RAI1: variants seen among roughly 807,000 people sequenced by gnomAD.
RAI1 encodes the protein retinoic acid-induced protein 1.
RAI1 carries 9 observed loss-of-function variants against 123.8 expected under a neutral mutation model. The ratio of observed to expected loss-of-function variants is 0.07; its 90% CI spans 0.04 to 0.13. The LOEUF (loss-of-function observed/expected upper bound fraction) is 0.13, where lower values mean the gene tolerates loss of function less well. Ranked by LOEUF, RAI1 falls within the 10% of genes least tolerant of loss-of-function variation. The pLI is 1.00. For synonymous variants in RAI1, 1,231 were observed against 1,127.3 expected (o/e 1.09, Z -1.84); for missense variants, 2,256 against 2,545.8 (o/e 0.89, Z 2.45).
chr17:17,809,319 C>T lies in RAI1; in HGVS notation c.5660-71C>T, dbSNP rs2143006508. The stretch of plus-strand genomic sequence containing the variant: ...GCGGGCAGTGCGGCTCCCCTCCTGG[C>T]TGCAGACAAAACCCCACAGCTGTGG... On this transcript the variant is annotated intron_variant, in intron 4 of 5. Coordinates refer to ENST00000353383, the MANE Select transcript of RAI1 (RefSeq NM_030665.4). This position sits in a 1 kb window ranked among gnomAD's most constrained non-coding sequence, Gnocchi z 4.9. The T allele has an allele frequency of 7.2e-7, 1 of 1,382,626 alleles. No homozygotes were observed. The highest frequency in any genetic ancestry group is 1.0e-6 in the Non-Finnish European group (1 of 969,660). The allele number at this position is 1,382,626 out of a possible 1,614,324, so 85.6% of individuals were successfully genotyped here. A position where few individuals can be genotyped will look rare whatever the true frequency, so the allele number is the denominator to read the frequency against.
At chr17:17,767,232 G>C (rs2030973131) in intron 2 of RAI1, among the ~76,000 whole-genome samples, 1 of 152,182 alleles carries the variant, frequency 6.6e-6, no homozygotes, top group Non-Finnish European at 1.5e-5. Context: ...GAAGGGAAGA[G>C]AGGCCTAGGC....
At chr17:17,780,957 T>C (rs986992835) in intron 2 of RAI1, among the ~76,000 whole-genome samples, 6 of 152,158 alleles carry the variant, frequency 3.9e-5, no homozygotes, top group Non-Finnish European at 8.8e-5. Context: ...GCGCTGTCTT[T>C]AATCTGTATT....
At chr17:17,739,430 G>A (rs1916543022) in intron 2 of RAI1, among the ~76,000 whole-genome samples, 1 of 152,226 alleles carries the variant, frequency 6.6e-6, no homozygotes, top group Non-Finnish European at 1.5e-5. Context: ...CCCTGACCAG[G>A]AGGGAGAGAA....
intron 3 of RAI1, among the ~76,000 whole-genome samples, 169 bp from the exon 4 acceptor site, chr17:17,803,587 T>C (rs1310525153): frequency 6.6e-6 from 1 of 152,110 alleles, no homozygotes; most frequent in Non-Finnish European, 1.5e-5. Flanking sequence ...AGTTTCACCA[T>C]GTTGCCCAGG....
intron 1 of RAI1, among the ~76,000 whole-genome samples, chr17:17,702,943 C>T (rs1344592540): frequency 6.6e-6 from 1 of 152,256 alleles, no homozygotes; most frequent in Non-Finnish European, 1.5e-5. Flanking sequence ...ATCAGTAATG[C>T]ATCTGCTGCT....
intron 1 of RAI1, among the ~76,000 whole-genome samples, chr17:17,719,457 T>TCAC (rs1178883311): frequency 6.6e-6 from 1 of 152,204 alleles, no homozygotes; most frequent in East Asian, 1.9e-4. Context: ...GCTGCATGCC[T>TCAC]CACTACCTTT....
At chr17:17,730,205 C>T (rs994580436) in intron 2 of RAI1, among the ~76,000 whole-genome samples, 4 of 152,236 alleles carry the variant, frequency 2.6e-5, no homozygotes, top group Non-Finnish European at 5.9e-5. Flanking sequence ...CTGCCTTCCT[C>T]CTAAATATCC....
At position 17,800,197 on chromosome 17, in the gene RAI1, T is replaced by TCTCTCTCTCTCTC. The variant is rs2032410770; in HGVS notation, c.5565+1685_5565+1697dup. On this transcript the variant is annotated intron_variant, in intron 3 of 5. Coordinates refer to ENST00000353383, the MANE Select transcript of RAI1 (RefSeq NM_030665.4). The surrounding 1 kb of genome is among the most constrained non-coding windows in gnomAD (Gnocchi z 4.7). Reference sequence around the variant, plus strand: ...CTCTCTCTGTCTCTCTCTCTCTCTCTCTCTCTCTCTCTCTCTCTCTCTCTC... The same window carrying TCTCTCTCTCTCTC: ...CTCTCTCTGTCTCTCTCTCTCTCTCTCTCTCTCTCTCTCCTCTCTCTCTCTCTCTCTCTCTCTC... Among the ~76,000 whole-genome samples, 1 of 129,838 alleles carries TCTCTCTCTCTCTC rather than the reference T, an allele frequency of 7.7e-6. No individual in the cohort carries two copies. 85.2% of individuals were successfully genotyped at this position (129,838 alleles called of 152,430 possible).
intron 2 of RAI1, among the ~76,000 whole-genome samples, chr17:17,755,028 C>G (rs1232184378): frequency 1.3e-5 from 2 of 152,198 alleles, no homozygotes; most frequent in Non-Finnish European, 2.9e-5. Context: ...GAGGAAATAG[C>G]CATAGCTGTA....
In RAI1 at chr17:17,793,209, A is replaced by G. The variant is rs751583712; in HGVS notation, c.261A>G (p.Thr87=). The G allele has an allele frequency of 7.4e-6, 12 of 1,612,226 alleles. No individual in the cohort carries two copies. In the East Asian group the frequency reaches 2.5e-4, roughly 33 times the overall value. The change falls in exon 3 of 6, where the codon ACA becomes ACG. Residue 87 remains threonine, a synonymous_variant. Transcript: ENST00000353383. ...ACCGAGGCAGCAAGGCCCTGCCCAC[A>G]CAGCAAGGCCTGCAGGGGAGGCCGG... The part of the protein sequence containing the change: ...KYHRGSKALP[T]QQGLQGRPAF...
chr17:17,753,524 A>G (rs770705094), intron 2 of RAI1, among the ~76,000 whole-genome samples: 2 of 152,188 alleles, frequency 1.3e-5, no homozygotes, highest in Non-Finnish European at 2.9e-5. Flanking sequence ...CCTCACCAAC[A>G]CCAAAAGAAA....
chr17:17,766,543 C>T (rs555066286), intron 2 of RAI1, among the ~76,000 whole-genome samples: 2 of 152,296 alleles, frequency 1.3e-5, no homozygotes, highest in Admixed American at 1.3e-4. Context: ...CTCTGTCTGC[C>T]GAACTCTGGG....
chr17:17,792,911 C>G, intron 2 of RAI1, 22 bp from the exon 3 acceptor site: 2 of 1,263,482 alleles, frequency 1.6e-6, no homozygotes, highest in Non-Finnish European at 2.3e-6. Flanking sequence ...CTCCCTCCCT[C>G]CCTTCCTTTT....
Position 17,793,761 on chromosome 17 carries a change from G to A in RAI1, c.813G>A (p.Ser271=), listed in dbSNP as rs557499896. The stretch of plus-strand genomic sequence containing the variant: ...TCCAGAATCTTCATGCCTACCAGTC[G>A]GGCCGCCTCAGCTATGACCAGCAGC... ...QRVQNLHAYQ[S]GRLSYDQQQQ... is the part of the protein sequence containing the mutation. Residue 271 remains serine (S), a synonymous_variant, in exon 3 of 6, where the codon TCG becomes TCA. Transcript: ENST00000353383. 10 of 1,610,454 alleles carry A rather than the reference G, an allele frequency of 6.2e-6. No homozygotes were observed. Among genetic ancestry groups the A allele is most frequent in the African/African-American group, 2.7e-5 (2 of 73,884 alleles).
intron 2 of RAI1, among the ~76,000 whole-genome samples, chr17:17,785,847 C>A (rs528704108): frequency 1.3e-5 from 2 of 152,334 alleles, no homozygotes; most frequent in African/African-American, 2.4e-5. Context: ...CCATCGAGCC[C>A]ATGCAGATCC....
rs587780428 is a variant in RAI1, at chr17:17,793,779, C to CCAGCAA, written c.836_837insACAGCA (p.Gln290_Gln291dup). The CCAGCAA allele has an allele frequency of 1.3e-5, 18 of 1,357,644 alleles. No homozygotes were observed. Among genetic ancestry groups the CCAGCAA allele is most frequent in the Middle Eastern group, 2.0e-4 (1 of 5,044 alleles). 84.1% of individuals were successfully genotyped at this position (1,357,644 alleles called of 1,614,324 possible). ...ACCAGTCGGGCCGCCTCAGCTATGA[C>CCAGCAA]CAGCAGCAGCAGCAGCAGCAGCAGC... On this transcript the variant is annotated inframe_insertion, in exon 3 of 6. Transcript: ENST00000353383.
At position 17,810,025 on chromosome 17, in the gene RAI1, C is replaced by T. The variant is rs1196486103; in HGVS notation, c.*44C>T. 27 of 1,542,280 alleles carry T rather than the reference C, an allele frequency of 1.8e-5. No individual in the cohort carries two copies. On this transcript the variant is annotated 3_prime_UTR_variant, in exon 6 of 6. Coordinates refer to ENST00000353383, the MANE Select transcript of RAI1 (RefSeq NM_030665.4). The surrounding 1 kb of genome is among the most constrained non-coding windows in gnomAD (Gnocchi z 4.6). ...GGAGGAGCCGCCGGAGCCCGCCTGC[C>T]CGCCCGCCGCCGAAGGAGAGGAGCC...
intron 2 of RAI1, among the ~76,000 whole-genome samples, chr17:17,733,860 A>G (rs547722333): frequency 2.0e-4 from 31 of 152,306 alleles, no homozygotes; most frequent in Admixed American, 5.2e-4. Flanking sequence ...GAGAATACCA[A>G]TGCAGAAGCC....
chr17:17,682,965 T>G (rs896172967), intron 1 of RAI1, among the ~76,000 whole-genome samples: 1 of 151,992 alleles, frequency 6.6e-6, no homozygotes, highest in African/African-American at 2.4e-5. Flanking sequence ...CGGGCGCTGC[T>G]CCGCGCGCCG....
Sources: allele counts gnomAD v4.1 joint callset (sites outside exome capture counted in the v4.1 genomes callset), GRCh38; gene constraint gnomAD v4.1.1; non-coding constraint Gnocchi (gnomAD v3.1); transcripts MANE v1.5; gene names NCBI Gene and HGNC (gene_info 2026-07-23, HGNC 2026-07-21).